SH3PXD2A: variants seen among roughly 807,000 people sequenced by gnomAD.
The protein encoded by SH3PXD2A is SH3 and PX domains 2A.
SH3PXD2A carries 32 observed loss-of-function variants against 115.2 expected under a neutral mutation model. The ratio of observed to expected loss-of-function variants is 0.28; its 90% CI spans 0.21 to 0.37. The LOEUF (loss-of-function observed/expected upper bound fraction) is 0.37, where lower values mean the gene tolerates loss of function less well. Among genes scored for constraint, SH3PXD2A ranks in the 10% least tolerant of loss-of-function variants. The pLI is 1.00. For synonymous variants in SH3PXD2A, 610 were observed against 629.1 expected, an observed-to-expected ratio of 0.97 and a Z score of 0.45; for missense variants, 1,328 against 1,498.7, an observed-to-expected ratio of 0.89 and a Z score of 1.88.
At chr10:103,693,331 C>T (rs1248424784) in intron 5 of SH3PXD2A, 1 of 151,352 alleles carries the variant, frequency 6.6e-6, no homozygotes, top group African/African-American at 2.4e-5. Flanking sequence ...AACTGGGGCT[C>T]ACCTTCCCTA....
chr10:103,618,673 G>A (rs143858806), intron 10 of SH3PXD2A, among the ~76,000 whole-genome samples: 1 of 152,322 alleles, frequency 6.6e-6, no homozygotes, highest in Non-Finnish European at 1.5e-5. Flanking sequence ...GCTGAGCAAG[G>A]GTACCGATGG....
At chr10:103,681,226 G>GT (rs1164436230) in intron 6 of SH3PXD2A, among the ~76,000 whole-genome samples, 3 of 30,142 alleles carry the variant, frequency 1.0e-4, no homozygotes, top group Non-Finnish European at 1.5e-4. Flanking sequence ...TGTTTCAGGG[G>GT]TAAGAGACTT....
intron 6 of SH3PXD2A, among the ~76,000 whole-genome samples, chr10:103,674,515 A>G (rs1322008664): frequency 6.6e-6 from 1 of 152,220 alleles, no homozygotes; most frequent in Non-Finnish European, 1.5e-5. Flanking sequence ...GTAATTCTTT[A>G]AAAGTCTTAA....
At chr10:103,614,089 A>AT (rs1554903666) in intron 11 of SH3PXD2A, among the ~76,000 whole-genome samples, 14,889 of 101,042 alleles carry the variant, frequency 0.15, 786 homozygotes, top group East Asian at 0.31. Flanking sequence ...CCAAAAAAAA[A>AT]TTTTTTTTTT....
chr10:103,687,961 C>G (rs2037700474), intron 6 of SH3PXD2A, among the ~76,000 whole-genome samples: 1 of 152,200 alleles, frequency 6.6e-6, no homozygotes, highest in Non-Finnish European at 1.5e-5. Context: ...CCTCAGGTAA[C>G]CATGTTGCTC....
intron 1 of SH3PXD2A, among the ~76,000 whole-genome samples, chr10:103,842,759 C>T (rs560675276): frequency 1.1e-3 from 164 of 152,306 alleles, no homozygotes; most frequent in African/African-American, 3.8e-3. Flanking sequence ...TCCTTTCCCA[C>T]ACCAGAATGT....
At chr10:103,661,543 C>A in intron 7 of SH3PXD2A, 1 of 602,590 alleles carries the variant, frequency 1.7e-6, no homozygotes, top group South Asian at 7.2e-5. Context: ...GGGAGGGCGG[C>A]GAGCCAGCGG....
At chr10:103,716,890 T>G (rs2038111424) in intron 5 of SH3PXD2A, among the ~76,000 whole-genome samples, 1 of 152,140 alleles carries the variant, frequency 6.6e-6, no homozygotes, top group Non-Finnish European at 1.5e-5. Flanking sequence ...AACGTGTGTA[T>G]GTATGTGGAG....
At position 103,661,057 on chromosome 10, in the gene SH3PXD2A, T is replaced by C; in HGVS notation, c.530A>G (p.Tyr177Cys). Residue 177 changes from tyrosine (Y) to cysteine (C), a missense_variant, in exon 8 of 15, where the codon TAT (tyrosine) becomes TGT (cysteine). Physicochemically the swap from Tyr to Cys is radical, Grantham distance 194 (BLOSUM62 -2). Around this residue, in one of 5 missense-constraint regions of SH3PXD2A, gnomAD observed 90 missense variants for 71.1 expected, o/e 1.27. Coordinates refer to ENST00000369774, the MANE Select transcript of SH3PXD2A (RefSeq NM_001394015.1). ...ILEQYVVVSN[Y>C]KKQENSELSL... ...CAGCTCCGAGTTCTCCTGCTTCTTA[T>C]AGTTGGACACCACCACGTACTGTTC... 6.2e-7 allele frequency: 1 copy of C among 1,614,074 alleles called. No homozygotes were observed. The highest frequency in any genetic ancestry group is 8.5e-7 in the Non-Finnish European group (1 of 1,179,940).
At chr10:103,730,223 T>C (rs2038298857) in intron 4 of SH3PXD2A, among the ~76,000 whole-genome samples, 1 of 143,302 alleles carries the variant, frequency 7.0e-6, no homozygotes, top group Non-Finnish European at 1.5e-5. Context: ...TCAGTTTCTT[T>C]TCTCGTTTCT....
chr10:103,827,002 A>C (rs953170931), intron 1 of SH3PXD2A, among the ~76,000 whole-genome samples: 1 of 152,160 alleles, frequency 6.6e-6, no homozygotes, highest in African/African-American at 2.4e-5. Flanking sequence ...CAGGGCATGG[A>C]AGTGATCAAG....
At chr10:103,682,295 C>T (rs1483310076) in intron 6 of SH3PXD2A, among the ~76,000 whole-genome samples, 1 of 152,256 alleles carries the variant, frequency 6.6e-6, no homozygotes, top group Non-Finnish European at 1.5e-5. Context: ...GTGGCGCAGA[C>T]ACACACGTGA....
In SH3PXD2A at chr10:103,827,712, G is replaced by A. The variant is rs139472413; in HGVS notation, c.73-26350C>T. Among the ~76,000 whole-genome samples, 430 of 152,308 alleles carry A rather than the reference G, an allele frequency of 2.8e-3. 1 individual carries two copies. The highest frequency in any genetic ancestry group is 5.2e-3 in the South Asian group (25 of 4,822). On this transcript the variant is annotated intron_variant, in intron 1 of 14. Transcript: ENST00000369774. ...CCTGGTGGATTATTTGTCCATGCAA[G>A]GAGCTCTGCTCTCTACAACTAGACT...
chr10:103,850,366 T>C (rs960410845), intron 1 of SH3PXD2A, among the ~76,000 whole-genome samples: 3 of 152,124 alleles, frequency 2.0e-5, no homozygotes, highest in Admixed American at 6.5e-5. Context: ...TTGAAGGGTG[T>C]GGTTGGTTGT....
chr10:103,823,073 C>T (rs1173119163), intron 1 of SH3PXD2A, among the ~76,000 whole-genome samples: 4 of 152,184 alleles, frequency 2.6e-5, no homozygotes, highest in Non-Finnish European at 5.9e-5. Context: ...CCCACCAATT[C>T]CCCTGCTAGG....
rs142686526 is a variant in SH3PXD2A, at chr10:103,629,425, T to C, written c.605-2223A>G. 2.4e-3 allele frequency among the ~76,000 whole-genome samples: 366 copies of C among 152,282 alleles called. 17 individuals carry two copies. In the South Asian group the frequency reaches 0.065, roughly 27 times the overall value. ...TATCTGTACTCACTCAACTTCTGGGTGATGAGACTGCTTCCAGGTGGCTTG... is the reference window on the plus strand; with the variant it reads ...TATCTGTACTCACTCAACTTCTGGGCGATGAGACTGCTTCCAGGTGGCTTG... On this transcript the variant is annotated intron_variant, in intron 8 of 14. Coordinates refer to ENST00000369774, the MANE Select transcript of SH3PXD2A (RefSeq NM_001394015.1).
At chr10:103,680,007 T>G (rs1268602096) in intron 6 of SH3PXD2A, among the ~76,000 whole-genome samples, 1 of 152,020 alleles carries the variant, frequency 6.6e-6, no homozygotes, top group East Asian at 1.9e-4. Context: ...TGAGATAGAG[T>G]CTCGCTCTGT....
chr10:103,680,702 T>A (rs1336806408), intron 6 of SH3PXD2A, among the ~76,000 whole-genome samples: 1 of 152,154 alleles, frequency 6.6e-6, no homozygotes, highest in Non-Finnish European at 1.5e-5. Flanking sequence ...GGGCCACACA[T>A]GGCAATGATG....
At chr10:103,732,062 T>C (rs184371973) in intron 4 of SH3PXD2A, among the ~76,000 whole-genome samples, 1 of 152,316 alleles carries the variant, frequency 6.6e-6, no homozygotes, top group East Asian at 1.9e-4. Flanking sequence ...ATTCTAGTCG[T>C]ACCAACCAGG....
Sources: gnomAD v4.1 joint callset for allele counts (sites outside exome capture counted in the v4.1 genomes callset) on GRCh38, gnomAD v4.1.1 for gene constraint, gnomAD v4.1.1 regional missense constraint, MANE v1.5 for transcripts, NCBI Gene and HGNC (gene_info 2026-07-23, HGNC 2026-07-21) for gene names.